Variants in AGPAT5 observed in about 807,000 individuals in gnomAD.
The protein encoded by AGPAT5 is 1-acyl-sn-glycerol-3-phosphate acyltransferase epsilon.
AGPAT5 carries 46 observed loss-of-function variants against 45.6 expected under a neutral mutation model. The observed-to-expected ratio is 1.01, with a 90% CI of 0.80 to 1.29. AGPAT5 has a LOEUF of 1.29. Among genes scored for constraint, AGPAT5 ranks in the 50% most tolerant of loss-of-function variants. AGPAT5 has a pLI of 0.00. For synonymous variants in AGPAT5, 272 were observed against 167.0 expected, an observed-to-expected ratio of 1.63 and a Z score of -4.85; for missense variants, 673 against 450.7, an observed-to-expected ratio of 1.49 and a Z score of -4.47.
At chr8:6,742,728 A>T (rs1191503594) in intron 5 of AGPAT5, among the ~76,000 whole-genome samples, 1 of 152,232 alleles carries the variant, frequency 6.6e-6, no homozygotes, top group Admixed American at 6.5e-5. Flanking sequence ...CAAGGTGCTT[A>T]CAAGAGCAGA....
rs778647226 is a variant in AGPAT5 at position 6,756,135 on chromosome 8, G to T, written c.869+961G>T. On this transcript the variant is annotated intron_variant, in intron 7 of 7. Transcript: ENST00000285518. Reference sequence around the variant, plus strand: ...GTTTGTGTTTTAGATTATTATATCGGGTATGTTCTGCTATCATAACTTTAC... The same window carrying T: ...GTTTGTGTTTTAGATTATTATATCGTGTATGTTCTGCTATCATAACTTTAC... Among the ~76,000 whole-genome samples the T allele has an allele frequency of 3.2e-4, 49 of 152,078 alleles. 1 individual carries two copies. The highest frequency in any genetic ancestry group is 3.4e-4 in the Non-Finnish European group (23 of 68,026).
At chr8:6,719,473 C>G (rs1202817371) in intron 1 of AGPAT5, among the ~76,000 whole-genome samples, 1 of 152,204 alleles carries the variant, frequency 6.6e-6, no homozygotes, top group African/African-American at 2.4e-5. Context: ...GGAATTCCTA[C>G]TCATCAAAAT....
chr8:6,757,234 C>G lies in AGPAT5; in HGVS notation c.941C>G (p.Ser314Cys). 6.2e-7 allele frequency: 1 copy of G among 1,614,124 alleles called. No individual in the cohort carries two copies. The highest frequency in any genetic ancestry group is 1.1e-5 in the South Asian group (1 of 91,076). ...RKRFPGKSVN[S>C]KLSIKKTLPS... is the part of the protein sequence containing the mutation. ...AGATTTCCTGGGAAAAGTGTTAATT[C>G]CAAATTAAGTATCAAGAAGACTTTA... Residue 314 changes from serine to cysteine, a missense_variant, in exon 8 of 8, where the codon TCC becomes TGC. Ser to Cys is a moderately radical substitution (Grantham distance 112). Transcript: ENST00000285518.
chr8:6,709,211 T>C (rs571178638), intron 1 of AGPAT5: 17 of 396,378 alleles, frequency 4.3e-5, no homozygotes, highest in African/African-American at 3.2e-4. Flanking sequence ...TTTAGCAGTT[T>C]CTGGCCTTTG....
intron 4 of AGPAT5, chr8:6,738,617 C>G (rs996044999): frequency 2.6e-5 from 4 of 152,028 alleles, no homozygotes; most frequent in African/African-American, 9.7e-5. Context: ...CATAAACCTT[C>G]AATGGGAAAA....
chr8:6,744,428 A>T (rs1199166324), intron 5 of AGPAT5, among the ~76,000 whole-genome samples: 4 of 152,188 alleles, frequency 2.6e-5, no homozygotes, highest in African/African-American at 9.7e-5. Flanking sequence ...AACACCACAG[A>T]TTTCTTCTCT....
chr8:6,739,893 C>A (rs1343566136), intron 4 of AGPAT5, among the ~76,000 whole-genome samples: 1 of 152,082 alleles, frequency 6.6e-6, no homozygotes, highest in African/African-American at 2.4e-5. Context: ...CATTGCCCTT[C>A]CTAAATTTTT....
At chr8:6,743,315 C>A (rs1801299786) in intron 5 of AGPAT5, among the ~76,000 whole-genome samples, 1 of 152,184 alleles carries the variant, frequency 6.6e-6, no homozygotes, top group Non-Finnish European at 1.5e-5. Context: ...CTCGCAAAAG[C>A]TTCCTCCCCT....
chr8:6,753,239 G>A (rs972720247), intron 6 of AGPAT5, among the ~76,000 whole-genome samples: 3 of 152,220 alleles, frequency 2.0e-5, no homozygotes, highest in Admixed American at 6.5e-5. Context: ...CACGTCCTGA[G>A]CACTGTACTC....
At position 6,741,801 on chromosome 8, in the gene AGPAT5, AT is replaced by A. The variant is rs749199581; in HGVS notation, c.586+55del. The A allele has an allele frequency of 3.5e-6, 5 of 1,429,202 alleles. No homozygotes were observed. The Admixed American group carries it at 9.1e-5, about 26-fold the overall frequency. 88.5% of individuals were successfully genotyped at this position (1,429,202 alleles called of 1,614,324 possible). ...ACAAATAATTTTCAAAGATAATAAC[AT>A]TTTTAGTTTTTCTTCCTGGAAAAGA... On this transcript the variant is annotated intron_variant, in intron 5 of 7. Transcript: ENST00000285518.
At chr8:6,753,406 G>C (rs1273028174) in intron 6 of AGPAT5, among the ~76,000 whole-genome samples, 1 of 152,088 alleles carries the variant, frequency 6.6e-6, no homozygotes, top group African/African-American at 2.4e-5. Flanking sequence ...ATTCAGTGAA[G>C]GCAGGAAAAT....
At chr8:6,711,279 A>G (rs1339979923) in intron 1 of AGPAT5, among the ~76,000 whole-genome samples, 1 of 152,230 alleles carries the variant, frequency 6.6e-6, no homozygotes, top group South Asian at 2.1e-4. Context: ...ATTTAGTTGG[A>G]TTTTTCTTGG....
chr8:6,723,845 T>G (rs1396531248), intron 1 of AGPAT5, among the ~76,000 whole-genome samples: 1 of 152,238 alleles, frequency 6.6e-6, no homozygotes, highest in Non-Finnish European at 1.5e-5. Flanking sequence ...CCTTTCTTTC[T>G]TCTCTTTTTA....
intron 1 of AGPAT5, chr8:6,709,679 T>C (rs1015597064): frequency 2.0e-5 from 3 of 152,150 alleles, no homozygotes; most frequent in Non-Finnish European, 2.9e-5. Context: ...AGGGTTAGGG[T>C]GGCATGGGGA....
intron 1 of AGPAT5, among the ~76,000 whole-genome samples, chr8:6,715,851 A>T (rs1327958201): frequency 1.3e-5 from 2 of 152,228 alleles, no homozygotes; most frequent in Non-Finnish European, 2.9e-5. Context: ...TGGAGTTTTT[A>T]CTTTGAACAT....
chr8:6,758,710 A>T lies in AGPAT5; in HGVS notation c.*1322A>T, dbSNP rs1419540460. 6.6e-6 allele frequency: 1 copy of T among 152,616 alleles called. No individual in the cohort carries two copies. The highest frequency in any genetic ancestry group is 1.5e-5 in the Non-Finnish European group (1 of 68,026). The allele number at this position is 152,616 out of a possible 1,614,324, so 9.5% of individuals were successfully genotyped here. On this transcript the variant is annotated 3_prime_UTR_variant, in exon 8 of 8. Coordinates refer to ENST00000285518, the MANE Select transcript of AGPAT5 (RefSeq NM_018361.5). ...TTAGAGCAAGAGCTGTGTTCCAGGA[A>T]CCAGATCACGATTTTTAGCCATGGA... is the stretch of plus-strand genomic sequence containing the variant.
intron 5 of AGPAT5, among the ~76,000 whole-genome samples, chr8:6,743,775 T>G (rs1801324345): frequency 6.6e-6 from 1 of 151,192 alleles, no homozygotes; most frequent in African/African-American, 2.4e-5. Flanking sequence ...TATGGTGGTT[T>G]TTTTTTTTTA....
At chr8:6,714,434 A>C (rs574450732) in intron 1 of AGPAT5, among the ~76,000 whole-genome samples, 1 of 152,256 alleles carries the variant, frequency 6.6e-6, no homozygotes, top group South Asian at 2.1e-4. Flanking sequence ...ATAGGAAAAT[A>C]CTAAAAAAAT....
chr8:6,737,693 C>A (rs1375300895), intron 4 of AGPAT5, among the ~76,000 whole-genome samples: 1 of 152,240 alleles, frequency 6.6e-6, no homozygotes, highest in African/African-American at 2.4e-5. Flanking sequence ...AGATAGGAGG[C>A]AGCCTGGTGG....
Sources: allele counts gnomAD v4.1 joint callset (sites outside exome capture counted in the v4.1 genomes callset), GRCh38; gene constraint gnomAD v4.1.1; transcripts MANE v1.5; gene names NCBI Gene and HGNC (gene_info 2026-07-23, HGNC 2026-07-21).